Variants in TNC observed in about 807,000 individuals in gnomAD.
TNC encodes the protein tenascin.
TNC carries 109 observed loss-of-function variants against 202.4 expected under a neutral mutation model. The ratio of observed to expected loss-of-function variants is 0.54; its 90% confidence interval spans 0.46 to 0.63. The LOEUF (loss-of-function observed/expected upper bound fraction) is 0.63. Ranked by LOEUF, TNC falls within the 30% of genes least tolerant of loss-of-function variation. The pLI, the probability that TNC is intolerant of heterozygous loss-of-function variation, is 0.00. For missense variants in TNC, 2,756 were observed against 2,833.3 expected (o/e 0.97, Z 0.62); for synonymous variants, 1,007 against 1,089.7 (o/e 0.92, Z 1.50).
intron 1 of TNC, among the ~76,000 whole-genome samples, chr9:115,116,669 G>A (rs549736932): frequency 2.8e-4 from 43 of 152,274 alleles, no homozygotes; most frequent in African/African-American, 5.3e-4. Flanking sequence ...CAACAGCATC[G>A]TACTTCATAG....
intron 15 of TNC, among the ~76,000 whole-genome samples, chr9:115,050,463 G>A (rs950410187): frequency 3.5e-4 from 53 of 152,016 alleles, no homozygotes; most frequent in Admixed American, 2.0e-4. Context: ...ATCTCATCTC[G>A]TTCCTCCTTG....
chr9:115,073,680 C>A lies in TNC; in HGVS notation c.3137G>T (p.Gly1046Val), dbSNP rs769812268. Residue 1046 changes from glycine to valine, a missense_variant, in exon 10 of 28, where the codon GGA (glycine) becomes GTA (valine). Transcript: ENST00000350763. Reference protein sequence around the residue: ...TSYVLRGLEPGQEYNVLLTAE... With the variant: ...TSYVLRGLEPVQEYNVLLTAE... ...TGTCAGGAGGACATTGTACTCCTGT[C>A]CTGGTTCCAGGCCTCTCAGGACATA... 2.5e-6 allele frequency: 4 copies of A among 1,614,026 alleles called. No individual in the cohort carries two copies. The highest frequency in any genetic ancestry group is 3.3e-5 in the Admixed American group (2 of 59,996).
chr9:115,036,302 T>C, intron 20 of TNC, 61 bp from the exon 21 acceptor site: 1 of 1,585,800 alleles, frequency 6.3e-7, no homozygotes, highest in Middle Eastern at 1.8e-4. Context: ...ATGAGTGGGC[T>C]TGGCAAACCA....
rs57737243 is a variant in TNC at position 115,028,924 on chromosome 9, G to GAAAAAAAAAA, written c.6169+426_6169+435dup. On this transcript the variant is annotated intron_variant, in intron 25 of 27. Coordinates refer to ENST00000350763, the MANE Select transcript of TNC (RefSeq NM_002160.4). ...TACTAAAGCTCTCAACATTATCTCTGAAAAAAAAAAAAAAAAAAAAAAAAA... is the reference window on the plus strand; with the variant it reads ...TACTAAAGCTCTCAACATTATCTCTGAAAAAAAAAAAAAAAAAAAAAAAAAAAAAAAAAAA... Among the ~76,000 whole-genome samples the GAAAAAAAAAA allele has an allele frequency of 3.6e-4, 23 of 63,958 alleles. 2 individuals carry two copies. The highest frequency in any genetic ancestry group is 5.7e-4 in the African/African-American group (9 of 15,678). The allele number at this position is 63,958 out of a possible 152,430, so 42.0% of individuals were successfully genotyped here.
chr9:115,068,267 C>G (rs942263446), intron 10 of TNC, among the ~76,000 whole-genome samples: 2 of 152,218 alleles, frequency 1.3e-5, no homozygotes, highest in Non-Finnish European at 2.9e-5. Flanking sequence ...GGAATCTACC[C>G]TTGAACAATG....
chr9:115,021,323 T>C, intron 27 of TNC, 56 bp from the exon 28 acceptor site: 1 of 1,308,750 alleles, frequency 7.6e-7, no homozygotes, highest in Non-Finnish European at 1.1e-6. Flanking sequence ...CCAGGTTGGT[T>C]ACTGTTAGGC....
At chr9:115,045,588 C>T (rs932018629) in intron 17 of TNC, among the ~76,000 whole-genome samples, 1 of 128,580 alleles carries the variant, frequency 7.8e-6, no homozygotes, top group Non-Finnish European at 1.5e-5. Context: ...TACTATGTTG[C>T]CTAGGCTGGT....
intron 22 of TNC, 127 bp downstream of exon 22, chr9:115,035,077 C>G: frequency 3.1e-6 from 3 of 962,840 alleles, no homozygotes; most frequent in Non-Finnish European, 4.2e-6. Context: ...CCAGTCTCTA[C>G]TAATTTTTTT....
chr9:115,048,759 G>A (rs1297029834), intron 15 of TNC, among the ~76,000 whole-genome samples: 1 of 152,182 alleles, frequency 6.6e-6, no homozygotes, highest in Non-Finnish European at 1.5e-5. Context: ...TCACACGTGA[G>A]CAAACTGAGT....
intron 14 of TNC, among the ~76,000 whole-genome samples, chr9:115,058,065 T>C (rs991958933): frequency 2.0e-5 from 3 of 152,228 alleles, no homozygotes; most frequent in Non-Finnish European, 4.4e-5. Context: ...TAGCTTGTCC[T>C]CTCTTAACTG....
In TNC at chr9:115,059,815, G is replaced by A. The variant is rs140124325; in HGVS notation, c.4221C>T (p.Leu1407=). The change falls in exon 14 of 28, where the codon CTC becomes CTT. Residue 1407 remains leucine, a synonymous_variant. Transcript: ENST00000350763. ...AGACTCTATAAGGCGTGGCAGCCTC[G>A]AGGCCCGGGATGTCCACAGCCCTGA... The part of the protein sequence containing the change: ...GSLRAVDIPG[L]EAATPYRVSI... The A allele has an allele frequency of 5.0e-5, 80 of 1,613,762 alleles. No homozygotes were observed. The highest frequency in any genetic ancestry group is 6.4e-5 in the Non-Finnish European group (75 of 1,180,024).
chr9:115,022,738 C>G (rs957883278), intron 27 of TNC, among the ~76,000 whole-genome samples: 2 of 152,150 alleles, frequency 1.3e-5, no homozygotes, highest in African/African-American at 4.8e-5. Flanking sequence ...ACTCTTGCCT[C>G]CTCTGTAAAA....
In TNC at chr9:115,048,283, G is replaced by A. The variant is rs548126659; in HGVS notation, c.4829C>T (p.Pro1610Leu). 2.5e-6 allele frequency: 4 copies of A among 1,613,974 alleles called. No individual in the cohort carries two copies. The highest frequency in any genetic ancestry group is 1.1e-5 in the South Asian group (1 of 91,082). ...SGFTQGHQTK[P>L]LRAEIVTEAE... The stretch of plus-strand genomic sequence containing the variant: ...ACCTGTAACAATCTCAGCCCTCAAG[G>A]GCTTGGTTTGATGCCCTTGGGTGAA... Residue 1610 changes from proline to leucine, a missense_variant, in exon 16 of 28, where the codon CCC becomes CTC. Transcript: ENST00000350763.
Position 115,064,017 on chromosome 9 carries a change from G to T in TNC, c.3539C>A (p.Ala1180Asp). 6.2e-7 allele frequency: 1 copy of T among 1,612,922 alleles called. No individual in the cohort carries two copies. The highest frequency in any genetic ancestry group is 8.5e-7 in the Non-Finnish European group (1 of 1,179,364). The change falls in exon 12 of 28, where the codon GCC (alanine) becomes GAC (aspartate). Residue 1180 changes from alanine (A) to aspartate (D), a missense_variant. Ala to Asp is a moderately radical substitution (Grantham distance 126). This residue lies in a region of TNC where 2,559 missense variants were observed against 2,546.0 expected (regional missense o/e 1.01). Transcript: ENST00000350763. ...TGGAGCAGTCCAGTTGAGTTTGAGG[G>T]CATCCCAGCCCACCTCGGCCACCAC... The part of the protein sequence containing the change: ...EVVVAEVGWD[A>D]LKLNWTAPEG...
At chr9:115,051,895 G>A (rs1831702651) in intron 15 of TNC, among the ~76,000 whole-genome samples, 1 of 151,876 alleles carries the variant, frequency 6.6e-6, no homozygotes, top group South Asian at 2.1e-4. Flanking sequence ...AGCTGTGAAA[G>A]TCCTCTCCTT....
intron 1 of TNC, among the ~76,000 whole-genome samples, chr9:115,107,078 T>A (rs1174236873): frequency 8.6e-6 from 1 of 116,290 alleles, no homozygotes; most frequent in African/African-American, 3.2e-5. Context: ...TACTAGATGA[T>A]TTTTTTTTTC....
Position 115,059,751 on chromosome 9 carries a change from G to T in TNC, c.4285C>A (p.Leu1429Ile). 1.2e-6 allele frequency: 2 copies of T among 1,611,464 alleles called. No homozygotes were observed. The highest frequency in any genetic ancestry group is 1.7e-6 in the Non-Finnish European group (2 of 1,178,128). The change falls in exon 14 of 28, where the codon CTC (leucine) becomes ATC (isoleucine). Residue 1429 changes from leucine to isoleucine, a missense_variant. Leu to Ile is a conservative substitution (Grantham distance 5). Coordinates refer to ENST00000350763, the MANE Select transcript of TNC (RefSeq NM_002160.4). Reference sequence around the variant, plus strand: ...GTACCTGTGGAGGCCTCAGCAGAGAGTACTGGTGTTCTATAGCCCCGGATC... The same window carrying T: ...GTACCTGTGGAGGCCTCAGCAGAGATTACTGGTGTTCTATAGCCCCGGATC... ...GVIRGYRTPVLSAEASTAKEP... is the reference protein window; with the variant it reads ...GVIRGYRTPVISAEASTAKEP...
Position 115,087,768 on chromosome 9 carries a change from C to A in TNC, c.458-495G>T, listed in dbSNP as rs368991937. ...CCAGGCTGGAGTGCAGCGGCGCCAT[C>A]TTGGCTCACTGCAAGCTCCGCCTCC... On this transcript the variant is annotated intron_variant, in intron 2 of 27. Transcript: ENST00000350763. Among the ~76,000 whole-genome samples the A allele has an allele frequency of 1.1e-4, 15 of 142,442 alleles. No homozygotes were observed. The East Asian group carries it at 2.1e-3, about 19-fold the overall frequency. The allele number at this position is 142,442 out of a possible 152,430, so 93.4% of individuals were successfully genotyped here. A position where few individuals can be genotyped will look rare whatever the true frequency, so the allele number is the denominator to read the frequency against.
intron 18 of TNC, 25 bp from the exon 19 acceptor site, chr9:115,041,109 A>G (rs1471450348): frequency 1.3e-6 from 2 of 1,594,240 alleles, no homozygotes; most frequent in Non-Finnish European, 1.7e-6. Context: ...AAGCAAGATG[A>G]GGAATAATGA....
Sources: gnomAD v4.1 joint callset for allele counts (sites outside exome capture counted in the v4.1 genomes callset) on GRCh38, gnomAD v4.1.1 for gene constraint, gnomAD v4.1.1 regional missense constraint, MANE v1.5 for transcripts, NCBI Gene and HGNC (gene_info 2026-07-23, HGNC 2026-07-21) for gene names.